PRH1: variants seen among roughly 807,000 people sequenced by gnomAD.
PRH1 encodes the protein proline rich protein HaeIII subfamily 1.
In PRH1, 7 loss-of-function variants were observed where a neutral mutation model predicts 7.9. That is an observed-to-expected ratio of 0.89 (90% CI 0.50 to 1.67). The LOEUF (loss-of-function observed/expected upper bound fraction) is 1.67, where lower values mean the gene tolerates loss of function less well. Ranked by LOEUF, PRH1 falls within the 40% of genes most tolerant of loss-of-function variation. The pLI, the probability that PRH1 is intolerant of heterozygous loss-of-function variation, is 0.00. For missense variants in PRH1, 109 were observed against 223.6 expected, an observed-to-expected ratio of 0.49 and a Z score of 3.27; for synonymous variants, 45 against 80.8, an observed-to-expected ratio of 0.56 and a Z score of 2.38.
At position 11,061,077 on chromosome 12, in the gene PRH1, C is replaced by G. The variant is rs199677016; in HGVS notation, n.124-13889G>C. ...ATGAAATAGGTATGGATTCATAATT[C>G]TTAAGAATTTTTGTCATATTTTGTA... On this transcript the variant is annotated intron_variant and non_coding_transcript_variant, in intron 1 of 4. Transcript: ENST00000541977. Among the ~76,000 whole-genome samples the G allele has an allele frequency of 2.6e-5, 4 of 152,030 alleles. No homozygotes were observed. In the East Asian group the frequency reaches 7.7e-4, roughly 29 times the overall value.
At chr12:11,092,025 T>G in intron 1 of PRH1, 1 of 1,488,160 alleles carries the variant, frequency 6.7e-7, no homozygotes, top group African/African-American at 1.5e-5. Flanking sequence ...TTCAACACAG[T>G]TGAATACCAG....
chr12:10,902,922 C>T (rs1949743782), intron 2 of PRH1, among the ~76,000 whole-genome samples: 1 of 152,090 alleles, frequency 6.6e-6, no homozygotes, highest in South Asian at 2.1e-4. Context: ...AAGCACATAG[C>T]CCAAGACCCT....
At chr12:11,113,154 C>T (rs1387469574) in intron 1 of PRH1, among the ~76,000 whole-genome samples, 1 of 151,480 alleles carries the variant, frequency 6.6e-6, no homozygotes, top group Non-Finnish European at 1.5e-5. Flanking sequence ...AGAGAGGACA[C>T]AAACACATGG....
At chr12:10,881,621 A>T (rs1949402170) in intron 3 of PRH1, among the ~76,000 whole-genome samples, 2 of 152,236 alleles carry the variant, frequency 1.3e-5, no homozygotes, top group South Asian at 4.1e-4. Flanking sequence ...AGCAATATAT[A>T]TTTCAAAAAG....
chr12:11,017,342 T>C (rs1941341966), intron 1 of PRH1, among the ~76,000 whole-genome samples: 1 of 152,084 alleles, frequency 6.6e-6, no homozygotes, highest in Non-Finnish European at 1.5e-5. Context: ...GTTACCTAAT[T>C]ATAGTAAAAT....
chr12:11,157,469 C>G (rs1337681908), intron 1 of PRH1, among the ~76,000 whole-genome samples: 1 of 152,154 alleles, frequency 6.6e-6, no homozygotes, highest in East Asian at 1.9e-4. Flanking sequence ...CTGTTTGGTT[C>G]ATTGACTTTT....
chr12:10,911,020 G>C (rs1409922603), intron 2 of PRH1, among the ~76,000 whole-genome samples: 1 of 152,138 alleles, frequency 6.6e-6, no homozygotes, highest in African/African-American at 2.4e-5. Context: ...AGATAGAATA[G>C]AAAATGTCTC....
chr12:11,043,777 G>T (rs1055583055), intron 1 of PRH1, among the ~76,000 whole-genome samples: 4 of 151,980 alleles, frequency 2.6e-5, no homozygotes, highest in Non-Finnish European at 5.9e-5. Context: ...AAACACTAAT[G>T]CAAGAAATTG....
chr12:10,950,820 T>G (rs1179707439), intron 2 of PRH1, among the ~76,000 whole-genome samples: 3 of 151,764 alleles, frequency 2.0e-5, no homozygotes, highest in African/African-American at 4.8e-5. Context: ...ATAGGCATCA[T>G]AGGAAAATAC....
intron 1 of PRH1, chr12:10,986,745 T>G: frequency 6.2e-7 from 1 of 1,612,630 alleles, no homozygotes; most frequent in Non-Finnish European, 8.5e-7. Flanking sequence ...GGAGATCTTT[T>G]TTCTCTTCAC....
At chr12:11,135,609 C>T (rs1946527700) in intron 1 of PRH1, among the ~76,000 whole-genome samples, 2 of 152,086 alleles carry the variant, frequency 1.3e-5, no homozygotes, top group Admixed American at 1.3e-4. Flanking sequence ...GATAAAAGAA[C>T]TCTGCTAAAC....
At chr12:11,054,221 A>T (rs1049405467) in intron 1 of PRH1, among the ~76,000 whole-genome samples, 1 of 144,656 alleles carries the variant, frequency 6.9e-6, no homozygotes, top group African/African-American at 2.5e-5. Flanking sequence ...GATTTGCAAG[A>T]TATTTTTTCT....
chr12:11,142,466 G>A (rs1193197859), intron 1 of PRH1, among the ~76,000 whole-genome samples: 4 of 152,274 alleles, frequency 2.6e-5, no homozygotes, highest in Admixed American at 6.5e-5. Context: ...GCCCTAATCA[G>A]GATTCTATAG....
intron 2 of PRH1, among the ~76,000 whole-genome samples, chr12:10,897,809 A>G (rs1949670072): frequency 6.6e-6 from 1 of 152,262 alleles, no homozygotes; most frequent in South Asian, 2.1e-4. Context: ...TGCCCCCCAT[A>G]ATCCAATCAC....
chr12:10,884,009 C>T (rs758382469), intron 1 of PRH1, 145 bp downstream of exon 1: 120 of 933,570 alleles, frequency 1.3e-4, no homozygotes, highest in Non-Finnish European at 1.8e-4. Context: ...AATGGAGGTA[C>T]AATAGATCTT....
intron 1 of PRH1, among the ~76,000 whole-genome samples, chr12:11,086,140 A>AC (rs1944685271): frequency 8.7e-6 from 1 of 115,272 alleles, no homozygotes; most frequent in African/African-American, 3.0e-5. Flanking sequence ...TGGTTGAGTA[A>AC]ATTATTGTCC....
intron 1 of PRH1, among the ~76,000 whole-genome samples, chr12:11,141,013 A>G (rs1420568612): frequency 6.7e-6 from 1 of 149,600 alleles, no homozygotes; most frequent in Non-Finnish European, 1.5e-5. Context: ...TAATACTTGT[A>G]TAACTTATTG....
intron 1 of PRH1, among the ~76,000 whole-genome samples, chr12:11,100,751 T>C (rs1396380839): frequency 6.6e-6 from 1 of 152,200 alleles, no homozygotes; most frequent in African/African-American, 2.4e-5. Flanking sequence ...GCAGTCAAAG[T>C]AGCATTATAT....
Position 11,133,893 on chromosome 12 carries a change from A to G in PRH1, n.40-12713T>C, listed in dbSNP as rs758172544. The G allele has an allele frequency of 4.3e-6, 7 of 1,614,054 alleles. No individual in the cohort carries two copies. The highest frequency in any genetic ancestry group is 1.7e-5 in the Admixed American group (1 of 59,996). ...TTAACTCTCCTCTTTATGCGAAGAA[A>G]AATAAGGTTGGAGAAATTGGCAATC... is the stretch of plus-strand genomic sequence containing the variant. On this transcript the variant is annotated intron_variant and non_coding_transcript_variant, in intron 1 of 1. Coordinates refer to the PRH1 transcript ENST00000541175.
Sources: allele counts gnomAD v4.1 joint callset (sites outside exome capture counted in the v4.1 genomes callset), GRCh38; gene constraint gnomAD v4.1.1; transcripts MANE v1.5; gene names NCBI Gene and HGNC (gene_info 2026-07-23, HGNC 2026-07-21).